The following CFAP251 variants were observed in gnomAD, a reference collection of about 807,000 sequenced individuals.
CFAP251 encodes cilia and flagella associated protein 251.
A neutral mutation model predicts 126.7 loss-of-function variants in CFAP251; 93 were observed. That is an observed-to-expected ratio of 0.73 (90% CI 0.62 to 0.87). The LOEUF (loss-of-function observed/expected upper bound fraction) is 0.87, where lower values mean the gene tolerates loss of function less well. Among genes scored for constraint, CFAP251 ranks in the 40% least tolerant of loss-of-function variants. The probability of loss-of-function intolerance (pLI) is 0.00; values close to 1 mark genes in which losing one functional copy is unlikely to be tolerated. For missense variants in CFAP251, 1,287 were observed against 1,389.2 expected (o/e 0.93, Z 1.17); for synonymous variants, 503 against 506.9 (o/e 0.99, Z 0.10).
chr12:122,003,318 T>C (rs937456607), intron 21 of CFAP251, among the ~76,000 whole-genome samples: 2 of 152,200 alleles, frequency 1.3e-5, no homozygotes, highest in African/African-American at 4.8e-5. Flanking sequence ...GTAGCTGTAA[T>C]CCCAGCGCTT....
intron 17 of CFAP251, 136 bp downstream of exon 17, chr12:121,968,305 G>A (rs937656781): frequency 2.5e-5 from 20 of 792,710 alleles, no homozygotes; most frequent in Non-Finnish European, 3.4e-5. Context: ...GTTGCTCCCC[G>A]GTGGCATTGC....
chr12:121,969,501 G>A, intron 17 of CFAP251: 2 of 984,974 alleles, frequency 2.0e-6, no homozygotes, highest in South Asian at 9.4e-5. Flanking sequence ...TGTTGTTGTT[G>A]TTGAGACAGG....
At chr12:121,928,684 A>G (rs1256944319) in intron 3 of CFAP251, among the ~76,000 whole-genome samples, 4 of 38,808 alleles carry the variant, frequency 1.0e-4, no homozygotes, top group Non-Finnish European at 3.4e-4. Context: ...ATATATATAT[A>G]TATACGTATA....
chr12:121,963,630 G>C (rs1048488530), intron 15 of CFAP251, among the ~76,000 whole-genome samples: 1 of 149,288 alleles, frequency 6.7e-6, no homozygotes, highest in Non-Finnish European at 1.5e-5. Flanking sequence ...GCACATGCAC[G>C]TGGGCCCCTG....
intron 3 of CFAP251, 100 bp from the exon 4 acceptor site, chr12:121,931,646 A>G: frequency 8.2e-7 from 1 of 1,216,326 alleles, no homozygotes; most frequent in Non-Finnish European, 1.1e-6. Flanking sequence ...TCTTCACTGA[A>G]CTGTTGATGT....
At chr12:121,951,396 A>G in intron 8 of CFAP251, 84 bp from the exon 9 acceptor site, 2 of 909,730 alleles carry the variant, frequency 2.2e-6, no homozygotes, top group Non-Finnish European at 3.3e-6. Flanking sequence ...GTTTAGATGT[A>G]TTTGTTTTGC....
chr12:121,921,881 G>A (rs1394829681), intron 2 of CFAP251, among the ~76,000 whole-genome samples, 198 bp downstream of exon 2: 1 of 148,460 alleles, frequency 6.7e-6, no homozygotes, highest in African/African-American at 2.5e-5. Context: ...TCCGCCTCCT[G>A]GGTTCAAACT....
chr12:121,994,950 T>G (rs895811217), intron 19 of CFAP251, among the ~76,000 whole-genome samples: 2 of 136,188 alleles, frequency 1.5e-5, no homozygotes, highest in Admixed American at 7.7e-5. Flanking sequence ...CCAAGAATTA[T>G]CAATAAAAAA....
chr12:122,000,546 TC>T (rs1883124646), intron 20 of CFAP251, among the ~76,000 whole-genome samples: 1 of 90,534 alleles, frequency 1.1e-5, no homozygotes, highest in African/African-American at 3.3e-5. Flanking sequence ...AGCGAGACTG[TC>T]AAAAAAAAAA....
chr12:121,967,512 C>T (rs1882184860), intron 16 of CFAP251, among the ~76,000 whole-genome samples: 1 of 152,142 alleles, frequency 6.6e-6, no homozygotes, highest in South Asian at 2.1e-4. Flanking sequence ...ACCATCCTGG[C>T]TAACACGGTG....
chr12:121,970,601 A>G (rs1197482534), intron 17 of CFAP251, among the ~76,000 whole-genome samples: 1 of 152,194 alleles, frequency 6.6e-6, no homozygotes, highest in Non-Finnish European at 1.5e-5. Context: ...ATTGCTGGGT[A>G]CAGAGCAGGT....
intron 2 of CFAP251, 59 bp from the exon 3 acceptor site, chr12:121,923,563 G>T: frequency 6.5e-7 from 1 of 1,533,490 alleles, no homozygotes; most frequent in Admixed American, 2.1e-5. Flanking sequence ...AATAGAAAAG[G>T]TGAATAAATG....
At chr12:121,922,672 C>G (rs925293864) in intron 2 of CFAP251, among the ~76,000 whole-genome samples, 2 of 107,744 alleles carry the variant, frequency 1.9e-5, no homozygotes, top group Non-Finnish European at 4.0e-5. Flanking sequence ...GCTAGTCAGC[C>G]TTTTGGAGAC....
At chr12:121,986,599 GA>G (rs998534206) in intron 19 of CFAP251, among the ~76,000 whole-genome samples, 1 of 150,348 alleles carries the variant, frequency 6.7e-6, no homozygotes, top group African/African-American at 2.4e-5. Context: ...GCGCCCAGCC[GA>G]ATTTTTTTTT....
At chr12:121,935,713 G>T (rs1592968937) in intron 5 of CFAP251, among the ~76,000 whole-genome samples, 1 of 152,180 alleles carries the variant, frequency 6.6e-6, no homozygotes, top group Non-Finnish European at 1.5e-5. Context: ...TAAAAGGCAG[G>T]CTCACTTCGA....
chr12:121,968,203 G>A (rs1882216119), intron 17 of CFAP251, 34 bp downstream of exon 17: 2 of 1,571,232 alleles, frequency 1.3e-6, no homozygotes, highest in East Asian at 2.3e-5. Context: ...GGTATCAAGT[G>A]TAAACTCCTT....
intron 17 of CFAP251, among the ~76,000 whole-genome samples, chr12:121,971,272 G>C (rs2135796033): frequency 6.6e-6 from 1 of 152,330 alleles, no homozygotes; most frequent in Non-Finnish European, 1.5e-5. Context: ...AAGTGGGGAA[G>C]ACCCTTGCTG....
intron 5 of CFAP251, among the ~76,000 whole-genome samples, chr12:121,936,272 ACT>A (rs1880891676): frequency 6.6e-6 from 1 of 151,866 alleles, no homozygotes; most frequent in Non-Finnish European, 1.5e-5. Context: ...ACATAGTGAG[ACT>A]CTGTCTCTAC....
In CFAP251 at chr12:121,958,463, T is replaced by G. The variant is rs763996986; in HGVS notation, c.1922T>G (p.Leu641Arg). 1 of 1,614,234 alleles carries G rather than the reference T, an allele frequency of 6.2e-7. No homozygotes were observed. Among genetic ancestry groups the G allele is most frequent in the Non-Finnish European group, 8.5e-7 (1 of 1,180,034 alleles). The change falls in exon 12 of 22, where the codon CTT becomes CGT. Residue 641 changes from leucine to arginine, a missense_variant. Physicochemically the swap from Leu to Arg is moderately radical, Grantham distance 102. Coordinates refer to ENST00000288912, the MANE Select transcript of CFAP251 (RefSeq NM_144668.6). ...KVWNYENKQY[L>R]FSRVFEKGLG... is the part of the protein sequence containing the mutation. Reference sequence around the variant, plus strand: ...TGGAATTATGAAAACAAACAATATCTTTTCAGCAGGGTTTTTGAGAAGGGG... The same window carrying G: ...TGGAATTATGAAAACAAACAATATCGTTTCAGCAGGGTTTTTGAGAAGGGG...
Sources: allele counts gnomAD v4.1 joint callset (sites outside exome capture counted in the v4.1 genomes callset), GRCh38; gene constraint gnomAD v4.1.1; transcripts MANE v1.5; gene names NCBI Gene and HGNC (gene_info 2026-07-23, HGNC 2026-07-21).